The following LRP1B variants were observed in gnomAD, a reference collection of about 807,000 sequenced individuals.
LRP1B encodes the protein low-density lipoprotein receptor-related protein 1B.
LRP1B carries 217 observed loss-of-function variants against 556.6 expected under a neutral mutation model. The observed-to-expected ratio is 0.39, with a 90% CI of 0.35 to 0.44. The LOEUF is 0.44. Among genes scored for constraint, LRP1B ranks in the 20% least tolerant of loss-of-function variants. The pLI is 1.00. For synonymous variants in LRP1B, 2,047 were observed against 1,865.8 expected, an observed-to-expected ratio of 1.10 and a Z score of -2.50; for missense variants, 5,053 against 5,620.8, an observed-to-expected ratio of 0.90 and a Z score of 3.23.
intron 9 of LRP1B, among the ~76,000 whole-genome samples, chr2:141,056,615 G>A (rs1216316086): frequency 1.3e-5 from 2 of 151,836 alleles, no homozygotes; most frequent in Non-Finnish European, 2.9e-5. Context: ...CTTCATCTCA[G>A]TCTCTTCTTT....
intron 41 of LRP1B, among the ~76,000 whole-genome samples, chr2:140,646,446 G>GA (rs1281268921): frequency 6.6e-6 from 1 of 152,140 alleles, no homozygotes; most frequent in African/African-American, 2.4e-5. Context: ...CTTAGTGGGT[G>GA]AAAAAATTGA....
At chr2:141,122,051 T>A (rs1701066439) in intron 7 of LRP1B, among the ~76,000 whole-genome samples, 1 of 152,156 alleles carries the variant, frequency 6.6e-6, no homozygotes, top group Admixed American at 6.6e-5. Flanking sequence ...TAGCCGTATG[T>A]AGAAAGCTGA....
At chr2:141,934,695 C>T (rs547059532) in intron 1 of LRP1B, among the ~76,000 whole-genome samples, 20 of 152,110 alleles carry the variant, frequency 1.3e-4, no homozygotes, top group South Asian at 2.1e-4. Context: ...CAAGTTCTGA[C>T]GAGATCTGAT....
intron 3 of LRP1B, among the ~76,000 whole-genome samples, chr2:141,262,907 A>G (rs1304063703): frequency 6.6e-6 from 1 of 151,946 alleles, no homozygotes; most frequent in East Asian, 1.9e-4. Flanking sequence ...TGTAAATTTT[A>G]GAAATAGCTT....
intron 2 of LRP1B, among the ~76,000 whole-genome samples, chr2:141,624,039 A>AAAAAAAAG (rs1559185701): frequency 6.7e-6 from 1 of 148,890 alleles, no homozygotes; most frequent in Non-Finnish European, 1.5e-5. Context: ...AATTAAACAA[A>AAAAAAAAG]AAAAAAAAGA....
intron 2 of LRP1B, among the ~76,000 whole-genome samples, chr2:141,693,928 A>T (rs1419453252): frequency 6.6e-6 from 1 of 152,012 alleles, no homozygotes; most frequent in African/African-American, 2.4e-5. Context: ...TAGAAGCCAC[A>T]TGAATTGAGA....
At chr2:140,424,046 C>CT (rs1309465257) in intron 66 of LRP1B, among the ~76,000 whole-genome samples, 4 of 152,030 alleles carry the variant, frequency 2.6e-5, no homozygotes, top group Non-Finnish European at 2.9e-5. Context: ...AGAAGGTTGA[C>CT]TTTGAAGACT....
chr2:141,833,078 C>T (rs1363274961), intron 1 of LRP1B, among the ~76,000 whole-genome samples: 7 of 151,626 alleles, frequency 4.6e-5, no homozygotes, highest in African/African-American at 1.5e-4. Flanking sequence ...GAATATTGTA[C>T]TAAGATACCT....
At chr2:141,227,832 T>C (rs1262845220) in intron 6 of LRP1B, among the ~76,000 whole-genome samples, 1 of 152,214 alleles carries the variant, frequency 6.6e-6, no homozygotes, top group East Asian at 1.9e-4. Context: ...GCTTTAATTA[T>C]TGAAACGAGA....
chr2:140,477,743 A>G (rs1425641452), intron 59 of LRP1B, among the ~76,000 whole-genome samples: 3 of 152,224 alleles, frequency 2.0e-5, no homozygotes, highest in African/African-American at 7.2e-5. Flanking sequence ...GAGAAAAAGC[A>G]TATTATTTTC....
intron 1 of LRP1B, among the ~76,000 whole-genome samples, chr2:141,934,020 T>C (rs1206623275): frequency 1.1e-4 from 17 of 152,128 alleles, no homozygotes. Context: ...AAATACAAAA[T>C]ACTATTTCAT....
At chr2:142,061,685 A>C (rs552186652) in intron 1 of LRP1B, among the ~76,000 whole-genome samples, 1 of 152,144 alleles carries the variant, frequency 6.6e-6, no homozygotes, top group Non-Finnish European at 1.5e-5. Context: ...AGGAATCAAA[A>C]TTTAATCAAT....
chr2:140,294,793 TGAGA>T (rs1683532544), intron 84 of LRP1B, among the ~76,000 whole-genome samples: 1 of 152,102 alleles, frequency 6.6e-6, no homozygotes. Flanking sequence ...GAAGTTGTGT[TGAGA>T]TAGTCTGCTG....
chr2:140,255,382 T>A (rs1160412929), intron 86 of LRP1B, among the ~76,000 whole-genome samples: 1 of 152,218 alleles, frequency 6.6e-6, no homozygotes, highest in African/African-American at 2.4e-5. Flanking sequence ...GTATTTTACA[T>A]TACAGAGAAT....
chr2:140,407,806 G>A (rs1684807758), intron 66 of LRP1B, among the ~76,000 whole-genome samples: 1 of 151,940 alleles, frequency 6.6e-6, no homozygotes, highest in African/African-American at 2.4e-5. Context: ...TCTGCCATTT[G>A]AGCCAGCAGT....
At chr2:141,729,039 A>G (rs1490988642) in intron 2 of LRP1B, among the ~76,000 whole-genome samples, 1 of 152,082 alleles carries the variant, frequency 6.6e-6, no homozygotes, top group Middle Eastern at 3.2e-3. Flanking sequence ...TGGAGTCTCC[A>G]TGTGTTCATT....
rs1437420795 is a variant in LRP1B, at chr2:140,352,952, C to T, written c.11650+1G>A. ...ATTTGCAATAGTGGTTATAATCTTA[C>T]CTTCTGCTATGCAGGTGTTATTTCT... is the stretch of plus-strand genomic sequence containing the variant. On this transcript the variant is annotated splice_donor_variant, in intron 76 of 90. Coordinates refer to ENST00000389484, the MANE Select transcript of LRP1B (RefSeq NM_018557.3). LOFTEE classifies it high-confidence loss of function. 2 of 1,609,750 alleles carry T rather than the reference C, an allele frequency of 1.2e-6. No individual in the cohort carries two copies. The highest frequency in any genetic ancestry group is 8.5e-7 in the Non-Finnish European group (1 of 1,178,380).
intron 35 of LRP1B, among the ~76,000 whole-genome samples, chr2:140,719,866 A>G (rs144349693): frequency 1.2e-4 from 18 of 152,140 alleles, no homozygotes; most frequent in African/African-American, 4.1e-4. Context: ...TTCCTTATCA[A>G]TTTTTTCACA....
intron 1 of LRP1B, among the ~76,000 whole-genome samples, chr2:141,926,184 T>A (rs1700330441): frequency 6.6e-6 from 1 of 152,188 alleles, no homozygotes; most frequent in Non-Finnish European, 1.5e-5. Flanking sequence ...TTAATAAATG[T>A]AAATCATTCT....
Sources: allele counts gnomAD v4.1 joint callset (sites outside exome capture counted in the v4.1 genomes callset), GRCh38; gene constraint gnomAD v4.1.1; transcripts MANE v1.5; gene names NCBI Gene and HGNC (gene_info 2026-07-23, HGNC 2026-07-21).